SMARCA4: variants seen among roughly 807,000 people sequenced by gnomAD.
The protein encoded by SMARCA4 is SWI/SNF-related matrix-associated actin-dependent regulator of chromatin subfamily A member 4.
In SMARCA4, 31 loss-of-function variants were observed where a neutral mutation model predicts 193.9. The ratio of observed to expected loss-of-function variants is 0.16; its 90% CI spans 0.12 to 0.22. The LOEUF (loss-of-function observed/expected upper bound fraction) is 0.22. Among genes scored for constraint, SMARCA4 ranks in the 10% least tolerant of loss-of-function variants. The probability of loss-of-function intolerance (pLI) is 1.00; values close to 1 mark genes in which losing one functional copy is unlikely to be tolerated. For missense variants in SMARCA4, 1,148 were observed against 2,296.0 expected, an observed-to-expected ratio of 0.50 and a Z score of 10.22; for synonymous variants, 942 against 933.1, an observed-to-expected ratio of 1.01 and a Z score of -0.17.
Position 11,033,632 on chromosome 19 carries a change from A to T in SMARCA4, c.3774+115A>T. 1.2e-6 allele frequency: 1 copy of T among 819,810 alleles called. No homozygotes were observed. The highest frequency in any genetic ancestry group is 2.1e-6 in the Non-Finnish European group (1 of 466,844). The allele number at this position is 819,810 out of a possible 1,614,324, so 50.8% of individuals were successfully genotyped here. ...TCTTATTTTTTTTGCATCCCTTTGG[A>T]GTAAAGGGAGTGTGGGCTGAACGGA... On this transcript the variant is annotated intron_variant, in intron 26 of 34. Transcript: ENST00000344626. The surrounding 1 kb of genome is among the most constrained non-coding windows in gnomAD (Gnocchi z 9.8).
intron 1 of SMARCA4, among the ~76,000 whole-genome samples, chr19:10,978,310 A>G (rs2085299699): frequency 6.6e-6 from 1 of 152,150 alleles, no homozygotes; most frequent in South Asian, 2.1e-4. Context: ...ACTGGCCTTC[A>G]TTAGAATTAA....
intron 9 of SMARCA4, 187 bp from the exon 10 acceptor site, chr19:10,996,026 C>CT: frequency 1.4e-6 from 1 of 705,276 alleles, no homozygotes; most frequent in African/African-American, 1.7e-5. Context: ...CCCTTGGAAC[C>CT]TAGCCCTTGG....
Position 10,987,770 on chromosome 19 carries a change from G to A in SMARCA4, c.964G>A (p.Ala322Thr), listed in dbSNP as rs1060502089. Reference protein sequence around the residue: ...SPAPPAVPPAASPVMPPQTQS... With the variant: ...SPAPPAVPPATSPVMPPQTQS... ...CGCGCCCCCTGCCGTCCCACCCGCC[G>A]CCTCGCCCGTGATGCCACCGCAGAC... Residue 322 changes from alanine (A) to threonine (T), a missense_variant, in exon 6 of 35, where the codon GCC becomes ACC. Ala to Thr is a moderately conservative substitution (Grantham distance 58). Transcript: ENST00000344626. The surrounding 1 kb of genome is among the most constrained non-coding windows in gnomAD (Gnocchi z 5.3). 14 of 1,596,738 alleles carry A rather than the reference G, an allele frequency of 8.8e-6. No homozygotes were observed. Among genetic ancestry groups the A allele is most frequent in the Admixed American group, 1.7e-5 (1 of 58,224 alleles).
At chr19:11,009,605 C>G (rs1413590817) in intron 14 of SMARCA4, among the ~76,000 whole-genome samples, 1 of 151,510 alleles carries the variant, frequency 6.6e-6, no homozygotes, top group African/African-American at 2.4e-5. Flanking sequence ...ACTGCAGCCT[C>G]TGCCTCCGGG....
chr19:11,059,966 C>T (rs576812580), intron 33 of SMARCA4, 79 bp from the exon 34 acceptor site: 33 of 1,612,514 alleles, frequency 2.0e-5, no homozygotes, highest in African/African-American at 1.3e-4. Flanking sequence ...ACAGCCCTCC[C>T]GGCTCCCAGA....
rs1252482729 is a variant in SMARCA4, at chr19:11,033,053, A to G, written c.3547-237A>G. On this transcript the variant is annotated intron_variant, in intron 25 of 34. Transcript: ENST00000344626. This position sits in a 1 kb window ranked among gnomAD's most constrained non-coding sequence, Gnocchi z 9.8. ...TCTTCCCGAATATCTGTGGGGTCCCAATAAGGTAGAAGGTGGCACTTCTGG... is the reference window on the plus strand; with the variant it reads ...TCTTCCCGAATATCTGTGGGGTCCCGATAAGGTAGAAGGTGGCACTTCTGG... 1 of 608,734 alleles carries G rather than the reference A, an allele frequency of 1.6e-6. No homozygotes were observed. Among genetic ancestry groups the G allele is most frequent in the Non-Finnish European group, 3.0e-6 (1 of 336,778 alleles). 37.7% of individuals were successfully genotyped at this position (608,734 alleles called of 1,614,324 possible).
At chr19:11,042,192 T>C (rs2075657617) in intron 30 of SMARCA4, among the ~76,000 whole-genome samples, 1 of 152,252 alleles carries the variant, frequency 6.6e-6, no homozygotes, top group Admixed American at 6.5e-5. Flanking sequence ...CGGTTCCAGC[T>C]GTGGCCACGG....
At chr19:10,990,847 A>T (rs1022278890) in intron 7 of SMARCA4, among the ~76,000 whole-genome samples, 1 of 152,228 alleles carries the variant, frequency 6.6e-6, no homozygotes, top group South Asian at 2.1e-4. Context: ...GCGTTAAGCC[A>T]CCACACCCAG....
intron 11 of SMARCA4, among the ~76,000 whole-genome samples, 191 bp from the exon 12 acceptor site, chr19:11,002,838 G>A (rs903808407): frequency 1.3e-5 from 2 of 150,408 alleles, no homozygotes; most frequent in African/African-American, 4.9e-5. Context: ...ACAAGTGTCA[G>A]CCAAGGTTGA....
intron 11 of SMARCA4, among the ~76,000 whole-genome samples, chr19:11,001,701 C>T (rs2087655394): frequency 6.6e-6 from 1 of 152,166 alleles, no homozygotes; most frequent in African/African-American, 2.4e-5. Flanking sequence ...CGCGTAGAGA[C>T]TGATATCCCT....
intron 1 of SMARCA4, among the ~76,000 whole-genome samples, chr19:10,982,057 G>C (rs908238966): frequency 6.6e-6 from 1 of 152,032 alleles, no homozygotes; most frequent in African/African-American, 2.4e-5. Context: ...TGTAATTTTT[G>C]GCCAGGAACG....
chr19:11,054,840 G>C (rs893778993), intron 30 of SMARCA4, among the ~76,000 whole-genome samples: 4 of 152,280 alleles, frequency 2.6e-5, no homozygotes, highest in African/African-American at 7.2e-5. Flanking sequence ...TTTGCCCTGA[G>C]ATGAGGTCAG....
intron 1 of SMARCA4, among the ~76,000 whole-genome samples, chr19:10,971,628 C>T (rs1352849885): frequency 1.3e-5 from 2 of 152,060 alleles, no homozygotes; most frequent in Non-Finnish European, 2.9e-5. Flanking sequence ...AGCCGCATGC[C>T]AGCTAATTTT....
intron 30 of SMARCA4, among the ~76,000 whole-genome samples, chr19:11,045,248 A>C (rs993939851): frequency 4.6e-5 from 7 of 152,076 alleles, no homozygotes; most frequent in African/African-American, 1.7e-4. Context: ...TGAACCCAGG[A>C]GGCGGAGCTT....
chr19:11,055,306 C>A (rs1254416869), intron 30 of SMARCA4, among the ~76,000 whole-genome samples: 1 of 152,190 alleles, frequency 6.6e-6, no homozygotes, highest in Non-Finnish European at 1.5e-5. Context: ...TCTCCTGCCT[C>A]AGCCTCCCGA....
Position 11,062,036 on chromosome 19 carries a change from AAG to A in SMARCA4, c.*234_*235del, listed in dbSNP as rs888359387. The A allele has an allele frequency of 2.1e-3, 1,218 of 584,148 alleles. No homozygotes were observed. The highest frequency in any genetic ancestry group is 2.4e-3 in the Middle Eastern group (8 of 3,288). 36.2% of individuals were successfully genotyped at this position (584,148 alleles called of 1,614,324 possible). On this transcript the variant is annotated 3_prime_UTR_variant, in exon 35 of 35. Coordinates refer to ENST00000344626, the MANE Select transcript of SMARCA4 (RefSeq NM_003072.5). ...ATCTGTAACAGCATTAACTGTCTTAAAGAGAGAGAGAGAGAATTCCGAATTGG... is the reference window on the plus strand; with the variant it reads ...ATCTGTAACAGCATTAACTGTCTTAAAGAGAGAGAGAGAATTCCGAATTGG...
At chr19:10,982,599 A>AAG (rs2085642983) in intron 1 of SMARCA4, among the ~76,000 whole-genome samples, 1 of 151,066 alleles carries the variant, frequency 6.6e-6, no homozygotes, top group Non-Finnish European at 1.5e-5. Flanking sequence ...TCCTGGGTTC[A>AAG]CACCATTCTC....
chr19:11,000,965 G>A (rs1235084291), intron 11 of SMARCA4, among the ~76,000 whole-genome samples: 3 of 152,028 alleles, frequency 2.0e-5, no homozygotes, highest in African/African-American at 4.8e-5. Context: ...AACAGGCACC[G>A]GCACTTGCTG....
At chr19:11,002,281 T>C (rs59190984) in intron 11 of SMARCA4, among the ~76,000 whole-genome samples, 9,824 of 151,116 alleles carry the variant, frequency 0.065, 354 homozygotes, top group South Asian at 0.11. Context: ...AGATCGAGAC[T>C]GTCTTGGCTA....
Sources: allele counts gnomAD v4.1 joint callset (sites outside exome capture counted in the v4.1 genomes callset), GRCh38; gene constraint gnomAD v4.1.1; non-coding constraint Gnocchi (gnomAD v3.1); transcripts MANE v1.5; gene names NCBI Gene and HGNC (gene_info 2026-07-23, HGNC 2026-07-21).